EPB41L4A: variants seen among roughly 807,000 people sequenced by gnomAD.
The protein encoded by EPB41L4A is band 4.1-like protein 4A.
In EPB41L4A, 100 loss-of-function variants were observed where a neutral mutation model predicts 108.6. The observed-to-expected ratio is 0.92, with a 90% CI of 0.78 to 1.09. The LOEUF (loss-of-function observed/expected upper bound fraction) is 1.09. EPB41L4A is among the 50% of genes least tolerant of loss of function. The probability of loss-of-function intolerance (pLI) is 0.00; values close to 1 mark genes in which losing one functional copy is unlikely to be tolerated. For synonymous variants in EPB41L4A, 319 were observed against 289.0 expected (o/e 1.10, Z -1.05); for missense variants, 1,030 against 842.7 (o/e 1.22, Z -2.75).
chr5:112,241,544 A>C (rs779769370), intron 9 of EPB41L4A, among the ~76,000 whole-genome samples: 1 of 152,224 alleles, frequency 6.6e-6, no homozygotes, highest in Non-Finnish European at 1.5e-5. Context: ...TTGAATCAAA[A>C]ATATTCAGAA....
At chr5:112,386,038 T>A (rs1760503934) in intron 1 of EPB41L4A, among the ~76,000 whole-genome samples, 1 of 152,234 alleles carries the variant, frequency 6.6e-6, no homozygotes, top group Admixed American at 6.5e-5. Context: ...TCTAACTACT[T>A]TAAAAATTAA....
intron 20 of EPB41L4A, among the ~76,000 whole-genome samples, chr5:112,169,763 G>C (rs1174750017): frequency 6.6e-6 from 1 of 152,192 alleles, no homozygotes; most frequent in East Asian, 1.9e-4. Context: ...TTTAACTGTG[G>C]TGGGAAAGCA....
At chr5:112,272,331 C>T (rs1163273559) in intron 4 of EPB41L4A, among the ~76,000 whole-genome samples, 8 of 151,370 alleles carry the variant, frequency 5.3e-5, no homozygotes, top group African/African-American at 1.9e-4. Context: ...TTAGTAGAGA[C>T]GGGGTTTCAC....
At position 112,237,582 on chromosome 5, in the gene EPB41L4A, C is replaced by T. The variant is rs965854407; in HGVS notation, c.965+2078G>A. Among the ~76,000 whole-genome samples, 7 of 152,286 alleles carry T rather than the reference C, an allele frequency of 4.6e-5. No homozygotes were observed. In the East Asian group the frequency reaches 9.6e-4, roughly 21 times the overall value. On this transcript the variant is annotated intron_variant, in intron 11 of 22. Transcript: ENST00000261486. The stretch of plus-strand genomic sequence containing the variant: ...CACCTGTTAAGCTGTTCTTTATACC[C>T]TATTCTTTAAAAGCCTGCAGGGTGA...
intron 13 of EPB41L4A, among the ~76,000 whole-genome samples, chr5:112,208,244 CAAAAAAA>C: frequency 1.2e-5 from 1 of 85,110 alleles, no homozygotes; most frequent in Non-Finnish European, 2.2e-5. Flanking sequence ...GACTCCATCT[CAAAAAAA>C]AAAAAAAAAA....
rs112540068 is a variant in EPB41L4A at position 112,330,344 on chromosome 5, G to A, written c.100-22854C>T. On this transcript the variant is annotated intron_variant, in intron 1 of 22. Coordinates refer to ENST00000261486, the MANE Select transcript of EPB41L4A (RefSeq NM_022140.5). ...CTAACCTGTACACAATCAGTGTCTC[G>A]GTTTTGCACTAACCAGGTTCTGCAG... 4.6e-5 allele frequency among the ~76,000 whole-genome samples: 7 copies of A among 152,026 alleles called. 1 individual carries two copies. Among genetic ancestry groups the A allele is most frequent in the African/African-American group, 1.2e-4 (5 of 41,442 alleles).
upstream of EPB41L4A, chr5:112,419,494 C>G (rs1326792154): frequency 5.3e-6 from 2 of 376,778 alleles, no homozygotes; most frequent in Non-Finnish European, 1.0e-5. Flanking sequence ...CGGATTTGAG[C>G]GCGGCCCCGA....
chr5:112,240,480 T>G lies in EPB41L4A; in HGVS notation c.887+239A>C, dbSNP rs143340936. On this transcript the variant is annotated intron_variant, in intron 10 of 22. Transcript: ENST00000261486. ...AACCTAAAAAATATTACCTCGATCC[T>G]TTCTTGCAGTATCAAAGATATAACT... Among the ~76,000 whole-genome samples the G allele has an allele frequency of 9.2e-5, 14 of 152,308 alleles. No homozygotes were observed. In the East Asian group the frequency reaches 2.5e-3, roughly 27 times the overall value.
intron 1 of EPB41L4A, among the ~76,000 whole-genome samples, chr5:112,365,094 C>A (rs1463543313): frequency 1.3e-5 from 2 of 152,178 alleles, no homozygotes; most frequent in Non-Finnish European, 2.9e-5. Context: ...AAAGCAGATA[C>A]TAAATCAATG....
At chr5:112,349,838 G>C (rs1317687366) in intron 1 of EPB41L4A, among the ~76,000 whole-genome samples, 1 of 152,172 alleles carries the variant, frequency 6.6e-6, no homozygotes, top group Non-Finnish European at 1.5e-5. Context: ...GAAAGTTCTG[G>C]TCAAAGAGGA....
At position 112,168,994 on chromosome 5, in the gene EPB41L4A, C is replaced by A; in HGVS notation, c.1850+1G>T. The A allele has an allele frequency of 6.2e-7, 1 of 1,609,892 alleles. No individual in the cohort carries two copies. Among genetic ancestry groups the A allele is most frequent in the Non-Finnish European group, 8.5e-7 (1 of 1,176,144 alleles). ...TGGTGTACTCTGGCCTGCCCACTTACTTCACTTCCGAGAGAACTGATCGCT... is the reference window on the plus strand; with the variant it reads ...TGGTGTACTCTGGCCTGCCCACTTAATTCACTTCCGAGAGAACTGATCGCT... On this transcript the variant is annotated splice_donor_variant, in intron 21 of 22. Transcript: ENST00000261486. LOFTEE classifies it high-confidence loss of function.
At chr5:112,417,726 G>T (rs1762795898) in intron 1 of EPB41L4A, among the ~76,000 whole-genome samples, 1 of 152,142 alleles carries the variant, frequency 6.6e-6, no homozygotes, top group Admixed American at 6.5e-5. Context: ...AATTACTGGG[G>T]AAACAATATT....
chr5:112,356,148 C>G (rs1370342490), intron 1 of EPB41L4A, among the ~76,000 whole-genome samples: 2 of 152,066 alleles, frequency 1.3e-5, no homozygotes, highest in East Asian at 3.9e-4. Flanking sequence ...TAAACGTACT[C>G]CACATTGTGG....
chr5:112,195,703 G>C lies in EPB41L4A; in HGVS notation c.1382C>G (p.Ala461Gly), dbSNP rs1224932707. 6.2e-7 allele frequency: 1 copy of C among 1,612,404 alleles called. No individual in the cohort carries two copies. The highest frequency in any genetic ancestry group is 8.5e-7 in the Non-Finnish European group (1 of 1,179,546). ...DSVQPVRRRKAHNSGEDSDLK... is the reference protein window; with the variant it reads ...DSVQPVRRRKGHNSGEDSDLK... Reference sequence around the variant, plus strand: ...ATCTGAATCTTCACCACTGTTATGGGCTTTCCTGTGAAAACAAATGAAGAC... The same window carrying C: ...ATCTGAATCTTCACCACTGTTATGGCCTTTCCTGTGAAAACAAATGAAGAC... Residue 461 changes from alanine to glycine, a missense_variant, in exon 16 of 23, where the codon GCC (alanine) becomes GGC (glycine). Physicochemically the swap from Ala to Gly is moderately conservative, Grantham distance 60. Coordinates refer to ENST00000261486, the MANE Select transcript of EPB41L4A (RefSeq NM_022140.5).
At chr5:112,296,871 T>C (rs1754019118) in intron 2 of EPB41L4A, among the ~76,000 whole-genome samples, 1 of 152,154 alleles carries the variant, frequency 6.6e-6, no homozygotes. Context: ...TGTTTTTCCA[T>C]TCCTGAGTTA....
intron 1 of EPB41L4A, among the ~76,000 whole-genome samples, chr5:112,397,725 C>T (rs963591174): frequency 7.2e-5 from 11 of 152,010 alleles, no homozygotes; most frequent in African/African-American, 2.7e-4. Context: ...AATAAAATAG[C>T]AATTAGAGTA....
At chr5:112,357,105 G>A (rs1322548859) in intron 1 of EPB41L4A, among the ~76,000 whole-genome samples, 1 of 152,164 alleles carries the variant, frequency 6.6e-6, no homozygotes, top group Non-Finnish European at 1.5e-5. Context: ...TCGGTCTTGT[G>A]ATGCAGCAGA....
At chr5:112,229,154 C>T (rs576953357) in intron 12 of EPB41L4A, among the ~76,000 whole-genome samples, 12 of 152,200 alleles carry the variant, frequency 7.9e-5, no homozygotes, top group Admixed American at 1.3e-4. Flanking sequence ...TACAAACTAA[C>T]AAAAAGTAAT....
intron 1 of EPB41L4A, among the ~76,000 whole-genome samples, chr5:112,361,523 TAAA>T: frequency 1.2e-5 from 1 of 81,166 alleles, no homozygotes; most frequent in South Asian, 3.8e-4. Context: ...AATAAATACT[TAAA>T]AAAAAAAAAA....
Sources: gnomAD v4.1 joint callset for allele counts (sites outside exome capture counted in the v4.1 genomes callset) on GRCh38, gnomAD v4.1.1 for gene constraint, MANE v1.5 for transcripts, NCBI Gene and HGNC (gene_info 2026-07-23, HGNC 2026-07-21) for gene names.